ADAM32: variants seen among roughly 807,000 people sequenced by gnomAD.
The protein encoded by ADAM32 is disintegrin and metalloproteinase domain-containing protein 32.
Under a neutral mutation model 114.9 loss-of-function variants are expected in ADAM32, and 89 were observed. The observed-to-expected ratio is 0.77, with a 90% confidence interval of 0.65 to 0.92. The LOEUF (loss-of-function observed/expected upper bound fraction) is 0.92. Among genes scored for constraint, ADAM32 ranks in the 40% least tolerant of loss-of-function variants. ADAM32 has a pLI of 0.00. For synonymous variants in ADAM32, 285 were observed against 307.5 expected (o/e 0.93, Z 0.77); for missense variants, 870 against 932.8 (o/e 0.93, Z 0.88).
In ADAM32 at chr8:39,144,056, C is replaced by A. The variant is rs565812396; in HGVS notation, c.201-3074C>A. On this transcript the variant is annotated intron_variant, in intron 3 of 24. Transcript: ENST00000379907. Reference sequence around the variant, plus strand: ...ACACAGGAGGGTATCTCCTGGTCTGCTGATTGCTAAGACTGTGGGAAAAGT... The same window carrying A: ...ACACAGGAGGGTATCTCCTGGTCTGATGATTGCTAAGACTGTGGGAAAAGT... Among the ~76,000 whole-genome samples, 7 of 152,326 alleles carry A rather than the reference C, an allele frequency of 4.6e-5. No individual in the cohort carries two copies. The East Asian group carries it at 1.4e-3, about 29-fold the overall frequency.
At chr8:39,153,968 C>T (rs1421654169) in intron 6 of ADAM32, among the ~76,000 whole-genome samples, 1 of 150,084 alleles carries the variant, frequency 6.7e-6, no homozygotes, top group South Asian at 2.1e-4. Context: ...CAGATATCAT[C>T]GTTTGTCTGG....
chr8:39,190,643 A>T (rs953464990), intron 11 of ADAM32, among the ~76,000 whole-genome samples: 1 of 152,134 alleles, frequency 6.6e-6, no homozygotes, highest in Non-Finnish European at 1.5e-5. Context: ...TCCAATGATT[A>T]CTGATGCTGA....
At chr8:39,160,764 A>G (rs7014489) in intron 6 of ADAM32, 133 bp from the exon 7 acceptor site, 762,763 of 764,886 alleles carry the variant, frequency 1, 380,350 homozygotes, top group Middle Eastern at 1. Flanking sequence ...TTTATTTATT[A>G]ATTTTAACCA....
At chr8:39,201,421 C>G (rs1807395590) in intron 11 of ADAM32, among the ~76,000 whole-genome samples, 1 of 151,300 alleles carries the variant, frequency 6.6e-6, no homozygotes, top group African/African-American at 2.4e-5. Context: ...TGATTTGGCT[C>G]TCTGTTTGTC....
intron 2 of ADAM32, among the ~76,000 whole-genome samples, chr8:39,130,645 T>C (rs1011249176): frequency 2.0e-5 from 3 of 152,200 alleles, no homozygotes; most frequent in African/African-American, 7.2e-5. Flanking sequence ...TGCAATTTTT[T>C]TGATTCATGG....
intron 19 of ADAM32, among the ~76,000 whole-genome samples, chr8:39,258,424 A>G (rs1298797475): frequency 2.0e-5 from 3 of 151,964 alleles, no homozygotes; most frequent in Non-Finnish European, 4.4e-5. Context: ...TATACTCTCC[A>G]GTTTTTAAAT....
At chr8:39,198,066 A>C (rs1434703164) in intron 11 of ADAM32, among the ~76,000 whole-genome samples, 1 of 152,106 alleles carries the variant, frequency 6.6e-6, no homozygotes, top group Non-Finnish European at 1.5e-5. Context: ...TTATCATTAT[A>C]TAATGACTTG....
intron 12 of ADAM32, among the ~76,000 whole-genome samples, chr8:39,219,281 C>T (rs1808790354): frequency 6.6e-6 from 1 of 152,142 alleles, no homozygotes; most frequent in Non-Finnish European, 1.5e-5. Context: ...CTACAGGTCA[C>T]TTGCCCCTGC....
At chr8:39,152,857 T>C (rs1020433663) in intron 6 of ADAM32, among the ~76,000 whole-genome samples, 1 of 152,090 alleles carries the variant, frequency 6.6e-6, no homozygotes, top group African/African-American at 2.4e-5. Context: ...GTGACAAAAT[T>C]ATGGCCAATG....
intron 19 of ADAM32, among the ~76,000 whole-genome samples, chr8:39,259,783 A>G (rs975829678): frequency 5.9e-5 from 9 of 152,244 alleles, no homozygotes; most frequent in African/African-American, 1.7e-4. Context: ...AAAGACAAAA[A>G]GTTGCAAAAA....
intron 24 of ADAM32, 29 bp from the exon 25 acceptor site, chr8:39,284,764 A>G: frequency 6.2e-7 from 1 of 1,613,440 alleles, no homozygotes; most frequent in South Asian, 1.1e-5. Context: ...CAGTACTTTG[A>G]GCACGTGTTT....
intron 11 of ADAM32, among the ~76,000 whole-genome samples, chr8:39,195,866 A>G (rs997465688): frequency 1.3e-5 from 2 of 152,064 alleles, no homozygotes; most frequent in African/African-American, 2.4e-5. Flanking sequence ...TGTTTTTTCT[A>G]CTTATGTGAA....
chr8:39,130,028 C>T (rs1416868474), intron 2 of ADAM32: 1 of 255,458 alleles, frequency 3.9e-6, no homozygotes. Flanking sequence ...AGTCTTGGCT[C>T]ACTGCAACCT....
At chr8:39,257,467 A>G in intron 19 of ADAM32, 124 bp downstream of exon 19, 1 of 1,158,800 alleles carries the variant, frequency 8.6e-7, no homozygotes, top group Non-Finnish European at 1.2e-6. Context: ...TTACATCAAT[A>G]TGTCATTTAA....
chr8:39,145,831 AG>A (rs1803474169), intron 3 of ADAM32, among the ~76,000 whole-genome samples: 1 of 152,116 alleles, frequency 6.6e-6, no homozygotes, highest in African/African-American at 2.4e-5. Context: ...TCCTGGCTCA[AG>A]TGATCCTGTT....
At chr8:39,197,834 G>T (rs1276242737) in intron 11 of ADAM32, among the ~76,000 whole-genome samples, 3 of 152,084 alleles carry the variant, frequency 2.0e-5, no homozygotes, top group Non-Finnish European at 2.9e-5. Context: ...AGGTTTATTT[G>T]CTTGATAGTG....
rs866742172 is a variant in ADAM32, at chr8:39,163,256, G to T, written c.595-1508G>T. Among the ~76,000 whole-genome samples, 5 of 152,322 alleles carry T rather than the reference G, an allele frequency of 3.3e-5. No homozygotes were observed. In the South Asian group the frequency reaches 6.2e-4, roughly 19 times the overall value. On this transcript the variant is annotated intron_variant, in intron 7 of 24. Coordinates refer to ENST00000379907, the MANE Select transcript of ADAM32 (RefSeq NM_145004.7). ...CTACTCAGGTATATTGAAGCCAACA[G>T]ATCAGTAGATGGTTGCTATTGAAAA...
chr8:39,167,757 C>A (rs1483635691), intron 9 of ADAM32: 1 of 152,042 alleles, frequency 6.6e-6, no homozygotes, highest in African/African-American at 2.4e-5. Context: ...TCTTTCTACT[C>A]CTTGGTTAAG....
intron 2 of ADAM32, among the ~76,000 whole-genome samples, chr8:39,127,904 C>G (rs1320482302): frequency 6.6e-6 from 1 of 152,046 alleles, no homozygotes; most frequent in African/African-American, 2.4e-5. Flanking sequence ...TTTCAAATAA[C>G]TTCTTGATTT....
Sources: allele counts gnomAD v4.1 joint callset (sites outside exome capture counted in the v4.1 genomes callset), GRCh38; gene constraint gnomAD v4.1.1; transcripts MANE v1.5; gene names NCBI Gene and HGNC (gene_info 2026-07-23, HGNC 2026-07-21).